Variants in RGS3 observed in about 807,000 individuals in gnomAD.
The protein encoded by RGS3 is regulator of G-protein signalling 3.
RGS3 carries 80 observed loss-of-function variants against 132.6 expected under a neutral mutation model. The ratio of observed to expected loss-of-function variants is 0.60; its 90% CI spans 0.50 to 0.73. RGS3 has a LOEUF of 0.73. RGS3 is among the 30% of genes least tolerant of loss of function. RGS3 has a pLI of 0.00. For missense variants in RGS3, 1,382 were observed against 1,530.8 expected (o/e 0.90, Z 1.62); for synonymous variants, 598 against 620.6 (o/e 0.96, Z 0.54).
At chr9:113,530,072 T>A (rs1403618156) in intron 18 of RGS3, among the ~76,000 whole-genome samples, 1 of 152,262 alleles carries the variant, frequency 6.6e-6, no homozygotes, top group African/African-American at 2.4e-5. Flanking sequence ...GACACATTCC[T>A]GCCTCTGCCT....
chr9:113,462,827 C>T (rs1436640316), intron 3 of RGS3, among the ~76,000 whole-genome samples: 2 of 152,124 alleles, frequency 1.3e-5, no homozygotes, highest in Admixed American at 6.5e-5. Context: ...ATCCACTTGG[C>T]GATGAAGTCT....
rs567305102 is a variant in RGS3, at chr9:113,471,745, C to G, written c.416-7746C>G. On this transcript the variant is annotated intron_variant, in intron 3 of 24. Transcript: ENST00000350696. ...AGGCATTACTGGGGCTGGAGGGTCC[C>G]TTTCCAAGATGGCTCATTCACATGG... Among the ~76,000 whole-genome samples the G allele has an allele frequency of 3.9e-4, 60 of 152,206 alleles. 1 individual carries two copies. The highest frequency in any genetic ancestry group is 1.4e-3 in the African/African-American group (58 of 41,526).
chr9:113,526,917 A>C (rs1239016134), intron 17 of RGS3, among the ~76,000 whole-genome samples: 1 of 152,094 alleles, frequency 6.6e-6, no homozygotes, highest in Non-Finnish European at 1.5e-5. Context: ...AAGGGGCAGA[A>C]TTTCTCTCCT....
At position 113,463,892 on chromosome 9, in the gene RGS3, G is replaced by A; in HGVS notation, c.415+1691G>A. 5 of 1,612,276 alleles carry A rather than the reference G, an allele frequency of 3.1e-6. No homozygotes were observed. The highest frequency in any genetic ancestry group is 4.2e-6 in the Non-Finnish European group (5 of 1,179,402). ...ACCTCACCACCTTTGGTAAGTGCCC[G>A]CTGGGGCTGGCGGCAGGGGCTGCTT... On this transcript the variant is annotated intron_variant, in intron 3 of 24. Coordinates refer to ENST00000350696, the Ensembl canonical transcript of RGS3. This position sits in a 1 kb window ranked among gnomAD's most constrained non-coding sequence, Gnocchi z 4.6.
At chr9:113,582,032 C>T (rs1834844751) in intron 19 of RGS3, 36 of 985,412 alleles carry the variant, frequency 3.7e-5, no homozygotes, top group Admixed American at 6.1e-5. Flanking sequence ...GGCTCTTACC[C>T]GTGCCGAGCT....
At chr9:113,545,614 T>A (rs1319757644) in intron 19 of RGS3, among the ~76,000 whole-genome samples, 1 of 152,176 alleles carries the variant, frequency 6.6e-6, no homozygotes, top group African/African-American at 2.4e-5. Flanking sequence ...CTCTATCCTG[T>A]CTTCGCCTTC....
chr9:113,498,415 C>T (rs1830755754), intron 10 of RGS3, among the ~76,000 whole-genome samples: 1 of 152,126 alleles, frequency 6.6e-6, no homozygotes, highest in Non-Finnish European at 1.5e-5. Context: ...GGACTGAGGC[C>T]GAATCACCCT....
At chr9:113,473,497 C>T (rs1240252750) in intron 3 of RGS3, among the ~76,000 whole-genome samples, 3 of 152,186 alleles carry the variant, frequency 2.0e-5, no homozygotes, top group Admixed American at 6.5e-5. Context: ...ATCCTCCCAC[C>T]TCAGCCTCCT....
chr9:113,575,355 A>T (rs1834465565), intron 19 of RGS3, among the ~76,000 whole-genome samples: 1 of 152,016 alleles, frequency 6.6e-6, no homozygotes, highest in South Asian at 2.1e-4. Context: ...CTTTCTGTAG[A>T]GTGGGTGCAC....
intron 19 of RGS3, among the ~76,000 whole-genome samples, chr9:113,549,428 GT>G (rs934046187): frequency 1.3e-5 from 2 of 151,714 alleles, no homozygotes; most frequent in East Asian, 1.9e-4. Context: ...ATGGGAAGGT[GT>G]TTTTTTTCTT....
intron 20 of RGS3, among the ~76,000 whole-genome samples, chr9:113,588,045 G>C (rs1835210772): frequency 6.6e-6 from 1 of 152,228 alleles, no homozygotes; most frequent in Admixed American, 6.5e-5. Flanking sequence ...CAGCCTATCT[G>C]GCTCAGCACA....
intron 10 of RGS3, chr9:113,501,781 C>T: frequency 1.1e-6 from 1 of 872,366 alleles, no homozygotes; most frequent in East Asian, 2.7e-5. Context: ...AGGATAGAGA[C>T]AGGAGCTGGA....
At chr9:113,562,116 CTT>C (rs1448402167) in intron 19 of RGS3, among the ~76,000 whole-genome samples, 1 of 152,208 alleles carries the variant, frequency 6.6e-6, no homozygotes, top group Admixed American at 6.5e-5. Flanking sequence ...TAGCCCTGAA[CTT>C]ACTAGAGTGT....
intron 23 of RGS3, 21 bp from the exon 22 acceptor site, chr9:113,595,578 C>T (rs774545294): frequency 1.9e-6 from 3 of 1,610,650 alleles, no homozygotes; most frequent in South Asian, 1.1e-5. Flanking sequence ...CCTCTTACCC[C>T]AGGATCCGTT....
At chr9:113,549,180 A>G (rs1833231761) in intron 19 of RGS3, among the ~76,000 whole-genome samples, 1 of 152,206 alleles carries the variant, frequency 6.6e-6, no homozygotes, top group African/African-American at 2.4e-5. Context: ...CAGACAGGCC[A>G]GGGTTCAAAT....
intron 1 of RGS3, among the ~76,000 whole-genome samples, chr9:113,447,329 G>GTATGTATATATATATATATATA (rs1554751010): frequency 1.1e-4 from 3 of 27,556 alleles, no homozygotes; most frequent in Admixed American, 1.1e-3. Flanking sequence ...GTATGTATAT[G>GTATGTATATATATATATATATA]TATATATATA....
At chr9:113,583,280 G>T (rs1478599495) in intron 19 of RGS3, 170 bp from the exon 18 acceptor site, 5 of 1,217,322 alleles carry the variant, frequency 4.1e-6, no homozygotes, top group South Asian at 1.6e-5. Flanking sequence ...GGTGAGAATT[G>T]TTACCCAGCT....
At chr9:113,498,936 A>G (rs1357682692) in intron 10 of RGS3, among the ~76,000 whole-genome samples, 1 of 149,658 alleles carries the variant, frequency 6.7e-6, no homozygotes, top group Non-Finnish European at 1.5e-5. Context: ...AAAAAAAAAA[A>G]AAAAAAAGGA....
At chr9:113,460,074 C>G (rs963966289), upstream of RGS3, among the ~76,000 whole-genome samples, 13 of 150,732 alleles carry the variant, frequency 8.6e-5, no homozygotes, top group African/African-American at 3.2e-4. Context: ...TATATCTTGG[C>G]TTTCTCTTCC....
Sources: allele counts gnomAD v4.1 joint callset (sites outside exome capture counted in the v4.1 genomes callset), GRCh38; gene constraint gnomAD v4.1.1; non-coding constraint Gnocchi (gnomAD v3.1); transcripts MANE v1.5; gene names NCBI Gene and HGNC (gene_info 2026-07-23, HGNC 2026-07-21).